The following FBXO21 variants were observed in gnomAD, a reference collection of about 807,000 sequenced individuals.
The protein encoded by FBXO21 is F-box only protein 21.
A neutral mutation model predicts 76.6 loss-of-function variants in FBXO21; 32 were observed. The ratio of observed to expected loss-of-function variants is 0.42; its 90% CI spans 0.32 to 0.56. The LOEUF is 0.56. Among genes scored for constraint, FBXO21 ranks in the 20% least tolerant of loss-of-function variants. FBXO21 has a pLI of 0.16. For missense variants in FBXO21, 586 were observed against 797.3 expected (o/e 0.73, Z 3.19); for synonymous variants, 328 against 311.5 (o/e 1.05, Z -0.56).
At chr12:117,163,613 A>G (rs548760444) in intron 9 of FBXO21, among the ~76,000 whole-genome samples, 2 of 152,040 alleles carry the variant, frequency 1.3e-5, no homozygotes, top group Admixed American at 6.6e-5. Context: ...TAACAAGTCT[A>G]AAGTAAAAAG....
intron 2 of FBXO21, 180 bp downstream of exon 2, chr12:117,189,047 G>T: frequency 2.9e-6 from 2 of 685,938 alleles, no homozygotes; most frequent in Non-Finnish European, 4.9e-6. Context: ...CAGACAAATG[G>T]CTTCGTGTTG....
chr12:117,162,739 C>A (rs893438270), intron 9 of FBXO21, among the ~76,000 whole-genome samples: 1 of 152,196 alleles, frequency 6.6e-6, no homozygotes, highest in Non-Finnish European at 1.5e-5. Context: ...TGGTCTCACA[C>A]TCCGTAACAA....
intron 4 of FBXO21, among the ~76,000 whole-genome samples, chr12:117,176,518 T>C (rs986666369): frequency 1.3e-5 from 2 of 152,194 alleles, no homozygotes; most frequent in African/African-American, 4.8e-5. Flanking sequence ...GGAAATCAGT[T>C]GTCCACATTG....
At chr12:117,178,217 C>T (rs74610600) in intron 3 of FBXO21, among the ~76,000 whole-genome samples, 5,128 of 152,206 alleles carry the variant, frequency 0.034, 128 homozygotes, top group Non-Finnish European at 0.053. Flanking sequence ...ATAAAACCTG[C>T]GAGTCATCCT....
At chr12:117,179,947 G>T (rs924973234) in intron 3 of FBXO21, among the ~76,000 whole-genome samples, 1 of 145,948 alleles carries the variant, frequency 6.9e-6, no homozygotes, top group African/African-American at 2.4e-5. Context: ...TCCTTCAAAG[G>T]TGACCAATTA....
At chr12:117,171,092 G>A (rs538031869) in intron 7 of FBXO21, among the ~76,000 whole-genome samples, 44 of 152,000 alleles carry the variant, frequency 2.9e-4, no homozygotes, top group Non-Finnish European at 4.7e-4. Context: ...AGCCAGGCGC[G>A]GTGGCTCACG....
chr12:117,152,506 A>G (rs1955855527), intron 11 of FBXO21, among the ~76,000 whole-genome samples: 1 of 147,630 alleles, frequency 6.8e-6, no homozygotes, highest in African/African-American at 2.4e-5. Flanking sequence ...TGGATTCTTC[A>G]AAAAGTCAAA....
intron 11 of FBXO21, among the ~76,000 whole-genome samples, chr12:117,152,620 T>C (rs1207842228): frequency 6.6e-6 from 1 of 152,118 alleles, no homozygotes; most frequent in African/African-American, 2.4e-5. Flanking sequence ...TGAATTCTGG[T>C]TGGATACTGA....
Position 117,165,636 on chromosome 12 carries a change from T to C in FBXO21, c.1194-19A>G. 5 of 1,581,972 alleles carry C rather than the reference T, an allele frequency of 3.2e-6. No individual in the cohort carries two copies. The highest frequency in any genetic ancestry group is 1.7e-4 in the Middle Eastern group (1 of 5,930). ...GCCTTCCCTAGCAGAGGAAAAACAATGTTTGTCTCATCCTGCTTGTTTTTT... is the reference window on the plus strand; with the variant it reads ...GCCTTCCCTAGCAGAGGAAAAACAACGTTTGTCTCATCCTGCTTGTTTTTT... On this transcript the variant is annotated intron_variant, in intron 8 of 11. Coordinates refer to ENST00000622495, the MANE Select transcript of FBXO21 (RefSeq NM_015002.3).
At chr12:117,165,394 G>T in intron 9 of FBXO21, 91 bp downstream of exon 9, 3 of 1,295,602 alleles carry the variant, frequency 2.3e-6, no homozygotes, top group Non-Finnish European at 3.2e-6. Context: ...TATTCCCCAT[G>T]TTAACACAAA....
intron 9 of FBXO21, among the ~76,000 whole-genome samples, chr12:117,159,609 C>T (rs1459766731): frequency 6.6e-6 from 1 of 152,196 alleles, no homozygotes; most frequent in East Asian, 1.9e-4. Context: ...CCTCTACCTC[C>T]AGCCGGGTGC....
chr12:117,150,954 GTT>G (rs202204898), intron 11 of FBXO21, among the ~76,000 whole-genome samples: 4 of 65,646 alleles, frequency 6.1e-5, no homozygotes, highest in South Asian at 6.6e-4. Context: ...TATCAAATAA[GTT>G]TGTGTGTGTG....
intron 9 of FBXO21, among the ~76,000 whole-genome samples, chr12:117,161,015 G>A (rs111961885): frequency 2.0e-5 from 3 of 152,252 alleles, no homozygotes; most frequent in African/African-American, 7.2e-5. Context: ...TGGGGAAGGC[G>A]ACAGTTAGGA....
At chr12:117,182,960 G>C (rs1170669858) in intron 3 of FBXO21, among the ~76,000 whole-genome samples, 1 of 152,140 alleles carries the variant, frequency 6.6e-6, no homozygotes, top group Non-Finnish European at 1.5e-5. Context: ...AGGTGTGGTG[G>C]CAAGTGCCTG....
At position 117,142,673 on chromosome 12, in the gene FBXO21, C is replaced by CAAAAAAAAAAAA. The variant is rs761025781; in HGVS notation, c.*3402_*3413dup. On this transcript the variant is annotated 3_prime_UTR_variant, in exon 12 of 12. Coordinates refer to ENST00000622495, the MANE Select transcript of FBXO21 (RefSeq NM_015002.3). Reference sequence around the variant, plus strand: ...TCCAGTTGATGTCTCTCCTTCCCTCCAAAAAAAAAAAAAAAAAAAAAAGAC... The same window carrying CAAAAAAAAAAAA: ...TCCAGTTGATGTCTCTCCTTCCCTCCAAAAAAAAAAAAAAAAAAAAAAAAAAAAAAAAAAGAC... 4.0e-5 allele frequency: 4 copies of CAAAAAAAAAAAA among 100,694 alleles called. No homozygotes were observed. Among genetic ancestry groups the CAAAAAAAAAAAA allele is most frequent in the Admixed American group, 1.0e-4 (1 of 9,692 alleles). 6.2% of individuals were successfully genotyped at this position (100,694 alleles called of 1,614,324 possible).
chr12:117,165,699 T>C (rs1956046501), intron 8 of FBXO21, 82 bp from the exon 9 acceptor site: 1 of 1,375,112 alleles, frequency 7.3e-7, no homozygotes, highest in Non-Finnish European at 9.8e-7. Flanking sequence ...AGGTTTTAAA[T>C]ATAATTGACA....
chr12:117,184,865 T>C (rs1203966349), intron 3 of FBXO21, among the ~76,000 whole-genome samples: 1 of 152,232 alleles, frequency 6.6e-6, no homozygotes, highest in Non-Finnish European at 1.5e-5. Flanking sequence ...TAAGGTACTG[T>C]TGAATGAGAA....
At chr12:117,190,094 C>T in intron 1 of FBXO21, 124 bp downstream of exon 1, 2 of 345,190 alleles carry the variant, frequency 5.8e-6, no homozygotes, top group Non-Finnish European at 8.2e-6. Context: ...TGTCTGTCCG[C>T]GGGAAGGGGT....
intron 11 of FBXO21, 25 bp from the exon 12 acceptor site, chr12:117,146,302 A>C: frequency 1.3e-6 from 2 of 1,574,074 alleles, no homozygotes; most frequent in South Asian, 1.2e-5. Context: ...GCACACGGGC[A>C]TTCTCATTAC....
Sources: allele counts gnomAD v4.1 joint callset (sites outside exome capture counted in the v4.1 genomes callset), GRCh38; gene constraint gnomAD v4.1.1; transcripts MANE v1.5; gene names NCBI Gene and HGNC (gene_info 2026-07-23, HGNC 2026-07-21).